The following ANKMY2 variants were observed in gnomAD, a reference collection of about 807,000 sequenced individuals.
ANKMY2 encodes the protein ankyrin repeat and MYND domain-containing protein 2.
ANKMY2 carries 36 observed loss-of-function variants against 50.4 expected under a neutral mutation model. The observed-to-expected ratio is 0.71, with a 90% CI of 0.55 to 0.94. The LOEUF (loss-of-function observed/expected upper bound fraction) is 0.94, where lower values mean the gene tolerates loss of function less well. Among genes scored for constraint, ANKMY2 ranks in the 40% least tolerant of loss-of-function variants. ANKMY2 has a pLI of 0.00. For synonymous variants in ANKMY2, 187 were observed against 178.8 expected (o/e 1.05, Z -0.36); for missense variants, 565 against 524.0 (o/e 1.08, Z -0.76).
At chr7:16,640,843 A>T (rs1173151592) in intron 1 of ANKMY2, among the ~76,000 whole-genome samples, 1 of 152,104 alleles carries the variant, frequency 6.6e-6, no homozygotes, top group Non-Finnish European at 1.5e-5. Flanking sequence ...TGCAATCATT[A>T]TTTATTGGAA....
intron 1 of ANKMY2, chr7:16,644,926 T>C (rs945851639): frequency 1.8e-5 from 6 of 338,344 alleles, no homozygotes; most frequent in Non-Finnish European, 2.9e-5. Flanking sequence ...CTCTCTAGGG[T>C]TCCTGAGGCT....
intron 1 of ANKMY2, among the ~76,000 whole-genome samples, chr7:16,638,436 T>C (rs1322884492): frequency 6.6e-6 from 1 of 152,134 alleles, no homozygotes; most frequent in Non-Finnish European, 1.5e-5. Context: ...AGGACAAAGA[T>C]GAACAGCCAG....
At chr7:16,616,111 T>C (rs1188223600) in intron 4 of ANKMY2, among the ~76,000 whole-genome samples, 1 of 152,144 alleles carries the variant, frequency 6.6e-6, no homozygotes, top group African/African-American at 2.4e-5. Flanking sequence ...TAAACAATCT[T>C]TGAAAGACAC....
intron 1 of ANKMY2, 85 bp from the exon 2 acceptor site, chr7:16,636,540 G>T: frequency 9.5e-7 from 1 of 1,052,084 alleles, no homozygotes; most frequent in South Asian, 1.7e-5. Context: ...AAACCTTAAG[G>T]AGTTATCTGT....
At chr7:16,627,622 T>C (rs75194392) in intron 2 of ANKMY2, among the ~76,000 whole-genome samples, 1 of 152,230 alleles carries the variant, frequency 6.6e-6, no homozygotes, top group Non-Finnish European at 1.5e-5. Context: ...ATTAAATGAA[T>C]GATTCATCTG....
At chr7:16,627,783 G>A (rs1029889757) in intron 2 of ANKMY2, among the ~76,000 whole-genome samples, 2 of 151,956 alleles carry the variant, frequency 1.3e-5, no homozygotes, top group East Asian at 3.9e-4. Context: ...ATATGTGATT[G>A]TATAAATATA....
At chr7:16,612,779 GAAT>G (rs1374720526) in intron 5 of ANKMY2, among the ~76,000 whole-genome samples, 1 of 152,012 alleles carries the variant, frequency 6.6e-6, no homozygotes, top group Non-Finnish European at 1.5e-5. Context: ...GCACACAAAA[GAAT>G]AATATTTGTA....
At chr7:16,644,640 G>T (rs1371558750) in intron 1 of ANKMY2, 4 of 470,034 alleles carry the variant, frequency 8.5e-6, no homozygotes, top group Non-Finnish European at 1.8e-5. Context: ...CACCATCCCT[G>T]CACCGTGAGG....
At chr7:16,637,482 T>C (rs1408319255) in intron 1 of ANKMY2, among the ~76,000 whole-genome samples, 3 of 152,206 alleles carry the variant, frequency 2.0e-5, no homozygotes, top group Admixed American at 6.5e-5. Flanking sequence ...GATAGAGAAG[T>C]AGCTCTGTTG....
Position 16,602,391 on chromosome 7 carries a change from T to G in ANKMY2, c.1130A>C (p.Gln377Pro). The change falls in exon 9 of 10, where the codon CAA (glutamine) becomes CCA (proline). Residue 377 changes from glutamine (Q) to proline (P), a missense_variant. By Grantham distance (76) the Gln-to-Pro change is moderately conservative. Coordinates refer to ENST00000306999, the MANE Select transcript of ANKMY2 (RefSeq NM_020319.3). The part of the protein sequence containing the change: ...QQLEAAKEKR[Q>P]EENHGKLDVN... Reference sequence around the variant, plus strand: ...TTTTATATACATACGGTTTTCCTCTTGTCTCTTTTCTTTGGCAGCCTCCAA... The same window carrying G: ...TTTTATATACATACGGTTTTCCTCTGGTCTCTTTTCTTTGGCAGCCTCCAA... 6.2e-7 allele frequency: 1 copy of G among 1,612,638 alleles called. No homozygotes were observed. The highest frequency in any genetic ancestry group is 8.5e-7 in the Non-Finnish European group (1 of 1,179,704).
At chr7:16,643,199 T>A (rs962700380) in intron 1 of ANKMY2, among the ~76,000 whole-genome samples, 2 of 152,206 alleles carry the variant, frequency 1.3e-5, no homozygotes, top group African/African-American at 4.8e-5. Context: ...AAAGGCCACA[T>A]CACCAGTAAA....
intron 3 of ANKMY2, among the ~76,000 whole-genome samples, 172 bp from the exon 4 acceptor site, chr7:16,625,253 A>G (rs941774507): frequency 2.6e-5 from 4 of 152,238 alleles, no homozygotes; most frequent in African/African-American, 4.8e-5. Flanking sequence ...ATAAAATGCT[A>G]TAGAACCTTA....
At chr7:16,627,400 C>T (rs974623928) in intron 2 of ANKMY2, among the ~76,000 whole-genome samples, 1 of 152,090 alleles carries the variant, frequency 6.6e-6, no homozygotes, top group South Asian at 2.1e-4. Flanking sequence ...CAAACAGATT[C>T]AGAGAGGACT....
intron 4 of ANKMY2, among the ~76,000 whole-genome samples, chr7:16,618,167 C>A (rs929132268): frequency 6.6e-6 from 1 of 152,062 alleles, no homozygotes; most frequent in East Asian, 1.9e-4. Context: ...CTCAGGTGAT[C>A]TGCCTGCCTT....
chr7:16,613,819 C>T (rs946994504), intron 5 of ANKMY2, among the ~76,000 whole-genome samples: 1 of 151,476 alleles, frequency 6.6e-6, no homozygotes, highest in Non-Finnish European at 1.5e-5. Flanking sequence ...ACCTGTAATC[C>T]CAGCTACTCA....
chr7:16,645,470 G>C (rs112302563), intron 1 of ANKMY2, 37 bp downstream of exon 1: 2 of 1,580,304 alleles, frequency 1.3e-6, no homozygotes, highest in Non-Finnish European at 1.7e-6. Flanking sequence ...CCCCCGGCCA[G>C]GCTGGCCGCG....
At position 16,633,096 on chromosome 7, in the gene ANKMY2, T is replaced by G. The variant is rs73310798; in HGVS notation, c.132+3295A>C. On this transcript the variant is annotated intron_variant, in intron 2 of 9. Coordinates refer to ENST00000306999, the MANE Select transcript of ANKMY2 (RefSeq NM_020319.3). ...TCCTTGGCTCATTTTTTAATTGAGT[T>G]ATATATTGTTTTATTATTGAGTTGT... Among the ~76,000 whole-genome samples the G allele has an allele frequency of 2.0e-3, 298 of 152,292 alleles. 2 individuals are homozygous for G. The highest frequency in any genetic ancestry group is 6.9e-3 in the African/African-American group (288 of 41,576).
At chr7:16,640,865 G>C (rs900015963) in intron 1 of ANKMY2, among the ~76,000 whole-genome samples, 1 of 151,952 alleles carries the variant, frequency 6.6e-6, no homozygotes, top group Admixed American at 6.6e-5. Context: ...CCACGAAAAC[G>C]GATATTTTAA....
intron 5 of ANKMY2, among the ~76,000 whole-genome samples, chr7:16,615,248 C>T (rs774682984): frequency 6.6e-6 from 1 of 152,172 alleles, no homozygotes; most frequent in Admixed American, 6.5e-5. Flanking sequence ...TTAGTGCCCC[C>T]ACATACATCC....
Sources: allele counts gnomAD v4.1 joint callset (sites outside exome capture counted in the v4.1 genomes callset), GRCh38; gene constraint gnomAD v4.1.1; transcripts MANE v1.5; gene names NCBI Gene and HGNC (gene_info 2026-07-23, HGNC 2026-07-21).